The following KMT2C variants were observed in gnomAD, a reference collection of about 807,000 sequenced individuals.
KMT2C encodes the protein lysine methyltransferase 2C, also known as histone-lysine N-methyltransferase 2C.
In KMT2C, 88 loss-of-function variants were observed where a neutral mutation model predicts 507.9. That is an observed-to-expected ratio of 0.17 (90% CI 0.15 to 0.21). The LOEUF (loss-of-function observed/expected upper bound fraction) is 0.21. Among genes scored for constraint, KMT2C ranks in the 10% least tolerant of loss-of-function variants. KMT2C has a pLI of 1.00. For synonymous variants in KMT2C, 2,049 were observed against 2,080.8 expected, an observed-to-expected ratio of 0.98 and a Z score of 0.42; for missense variants, 4,954 against 5,957.8, an observed-to-expected ratio of 0.83 and a Z score of 5.55.
At chr7:152,186,876 G>A (rs1270109678) in intron 33 of KMT2C, among the ~76,000 whole-genome samples, 3 of 151,946 alleles carry the variant, frequency 2.0e-5, no homozygotes, top group East Asian at 3.9e-4. Context: ...AAGAAGGGAA[G>A]ACAATATTGA....
chr7:152,262,754 T>C (rs1588691412), intron 9 of KMT2C, among the ~76,000 whole-genome samples: 3 of 152,118 alleles, frequency 2.0e-5, no homozygotes, highest in South Asian at 2.1e-4. Flanking sequence ...TAATCTATAG[T>C]GAAAAAGCAG....
intron 2 of KMT2C, among the ~76,000 whole-genome samples, chr7:152,354,982 A>C (rs1173720113): frequency 6.6e-6 from 1 of 152,230 alleles, no homozygotes; most frequent in Non-Finnish European, 1.5e-5. Context: ...TGGAATGAAA[A>C]GGAAAAAGAC....
At position 152,200,598 on chromosome 7, in the gene KMT2C, A is replaced by G. The variant is rs114502792; in HGVS notation, c.4093-1139T>C. ...CACAAAAATTAGCCAGGCATGCGCC[A>G]ACATGCCTGTAATCCCAGCTACCTG... is the stretch of plus-strand genomic sequence containing the variant. On this transcript the variant is annotated intron_variant, in intron 26 of 58. Coordinates refer to ENST00000262189, the MANE Select transcript of KMT2C (RefSeq NM_170606.3). Among the ~76,000 whole-genome samples, 1,304 of 152,054 alleles carry G rather than the reference A, an allele frequency of 8.6e-3. 21 individuals carry two copies. The highest frequency in any genetic ancestry group is 0.03 in the African/African-American group (1,257 of 41,498).
intron 25 of KMT2C, 70 bp downstream of exon 25, chr7:152,205,036 T>C (rs2129137122): frequency 5.1e-6 from 5 of 977,700 alleles, no homozygotes; most frequent in Non-Finnish European, 7.6e-6. Flanking sequence ...AGGATAGTTT[T>C]TTCCAATAGA....
intron 1 of KMT2C, among the ~76,000 whole-genome samples, chr7:152,388,597 T>C (rs2097456538): frequency 6.6e-6 from 1 of 152,310 alleles, no homozygotes; most frequent in Non-Finnish European, 1.5e-5. Context: ...AATCAGGAGA[T>C]TTTGGTAAGC....
rs2089795671 is a variant in KMT2C, at chr7:152,135,406, T to TA, written c.*1425dup. The TA allele has an allele frequency of 9.2e-6, 2 of 217,442 alleles. No homozygotes were observed. The highest frequency in any genetic ancestry group is 2.2e-5 in the African/African-American group (1 of 44,550). The allele number at this position is 217,442 out of a possible 1,614,324, so 13.5% of individuals were successfully genotyped here. On this transcript the variant is annotated 3_prime_UTR_variant, in exon 59 of 59. Coordinates refer to ENST00000262189, the MANE Select transcript of KMT2C (RefSeq NM_170606.3). Reference sequence around the variant, plus strand: ...AGCAAACACAAAACAGTGTTTTTTTTATTAAAGAAATGTAAACAAACAGTT... The same window carrying TA: ...AGCAAACACAAAACAGTGTTTTTTTTAATTAAAGAAATGTAAACAAACAGTT...
chr7:152,327,095 C>T (rs1010910240), intron 3 of KMT2C, among the ~76,000 whole-genome samples: 1 of 151,990 alleles, frequency 6.6e-6, no homozygotes, highest in African/African-American at 2.4e-5. Flanking sequence ...GTAGTATAGC[C>T]CAGGATAAAT....
At chr7:152,312,982 T>C (rs983684364) in intron 4 of KMT2C, among the ~76,000 whole-genome samples, 3 of 152,084 alleles carry the variant, frequency 2.0e-5, no homozygotes, top group East Asian at 3.8e-4. Context: ...CCTGGAATCA[T>C]TGAAAGAAAA....
At chr7:152,252,230 A>G in intron 10 of KMT2C, 140 bp from the exon 11 acceptor site, 1 of 629,762 alleles carries the variant, frequency 1.6e-6, no homozygotes, top group East Asian at 2.8e-5. Flanking sequence ...TTGCTAACTG[A>G]CAAAGGTTTT....
rs775270924 is a variant in KMT2C at position 152,163,788 on chromosome 7, T to C, written c.9789A>G (p.Glu3263=). ...GCTGCTGCTGTTTGATCCGATAATC[T>C]TCAATCAATTCAGCATGTTCTTTCT... is the stretch of plus-strand genomic sequence containing the variant. The part of the protein sequence containing the change: ...KQQKEHAELI[E]DYRIKQQQQC... Residue 3263 remains glutamate (E), a synonymous_variant, in exon 43 of 59, where the codon GAA becomes GAG. Coordinates refer to ENST00000262189, the MANE Select transcript of KMT2C (RefSeq NM_170606.3). 5 of 1,614,172 alleles carry C rather than the reference T, an allele frequency of 3.1e-6. No homozygotes were observed. The highest frequency in any genetic ancestry group is 1.7e-5 in the Admixed American group (1 of 60,024).
chr7:152,315,029 G>C, intron 4 of KMT2C, 109 bp downstream of exon 4: 7 of 903,110 alleles, frequency 7.8e-6, no homozygotes, highest in Non-Finnish European at 1.2e-5. Flanking sequence ...GAGAACAGGA[G>C]AAACTGTTCA....
intron 6 of KMT2C, among the ~76,000 whole-genome samples, chr7:152,308,569 G>A (rs1294603736): frequency 1.3e-5 from 2 of 151,006 alleles, no homozygotes; most frequent in Non-Finnish European, 2.9e-5. Context: ...AATCTACTCA[G>A]GAGGCTGAGG....
At chr7:152,157,498 TATAAGGAA>T (rs1386705666) in intron 44 of KMT2C, among the ~76,000 whole-genome samples, 1 of 152,210 alleles carries the variant, frequency 6.6e-6, no homozygotes, top group Non-Finnish European at 1.5e-5. Flanking sequence ...TAATAAAGGT[TATAAGGAA>T]ATAAGGATTT....
At chr7:152,433,719 GCTGC>G (rs1234592021) in intron 1 of KMT2C, among the ~76,000 whole-genome samples, 3 of 152,156 alleles carry the variant, frequency 2.0e-5, no homozygotes, top group African/African-American at 7.2e-5. Context: ...TTCTCCAAAG[GCTGC>G]CTATTTCTTC....
chr7:152,381,614 T>C (rs537992475), intron 1 of KMT2C, among the ~76,000 whole-genome samples: 3 of 152,396 alleles, frequency 2.0e-5, no homozygotes, highest in East Asian at 3.8e-4. Flanking sequence ...TCTTAAGAAA[T>C]ATAACACCAT....
chr7:152,241,663 G>C (rs1392021362), intron 14 of KMT2C, among the ~76,000 whole-genome samples: 1 of 138,894 alleles, frequency 7.2e-6, no homozygotes, highest in African/African-American at 2.8e-5. Context: ...GGTAGGCAGT[G>C]GGGGCAAAAG....
At chr7:152,301,287 A>T (rs1205973083) in intron 6 of KMT2C, among the ~76,000 whole-genome samples, 1 of 151,518 alleles carries the variant, frequency 6.6e-6, no homozygotes, top group East Asian at 1.9e-4. Flanking sequence ...GGCAAATCAC[A>T]AGGTCAGGAG....
intron 1 of KMT2C, among the ~76,000 whole-genome samples, chr7:152,394,167 GCTT>G (rs2097522803): frequency 2.6e-5 from 4 of 151,982 alleles, no homozygotes; most frequent in Non-Finnish European, 1.5e-5. Context: ...TAACATGCCT[GCTT>G]CTTCCTTGAT....
At chr7:152,358,461 G>C (rs1433098883) in intron 2 of KMT2C, 126 bp downstream of exon 2, 2 of 562,590 alleles carry the variant, frequency 3.6e-6, no homozygotes, top group Non-Finnish European at 6.1e-6. Context: ...AGGCAGATGG[G>C]AAACTTAGAG....
Sources: gnomAD v4.1 joint callset for allele counts (sites outside exome capture counted in the v4.1 genomes callset) on GRCh38, gnomAD v4.1.1 for gene constraint, MANE v1.5 for transcripts, NCBI Gene and HGNC (gene_info 2026-07-23, HGNC 2026-07-21) for gene names.